The following PER1 variants were observed in gnomAD, a reference collection of about 807,000 sequenced individuals.
PER1 encodes the protein period circadian protein homolog 1.
PER1 carries 87 observed loss-of-function variants against 125.9 expected under a neutral mutation model. The ratio of observed to expected loss-of-function variants is 0.69; its 90% confidence interval spans 0.58 to 0.83. The LOEUF is 0.83. Among genes scored for constraint, PER1 ranks in the 40% least tolerant of loss-of-function variants. PER1 has a pLI of 0.00. For missense variants in PER1, 1,775 were observed against 1,722.8 expected (o/e 1.03, Z -0.54); for synonymous variants, 801 against 714.7 (o/e 1.12, Z -1.93).
chr17:8,150,048 G>A lies in PER1; in HGVS notation c.452C>T (p.Pro151Leu), dbSNP rs371293700. The A allele has an allele frequency of 5.0e-5, 81 of 1,614,066 alleles. No individual in the cohort carries two copies. The highest frequency in any genetic ancestry group is 6.8e-5 in the Non-Finnish European group (80 of 1,180,046). Residue 151 changes from proline to leucine, a missense_variant, in exon 4 of 23, where the codon CCA becomes CTA. By Grantham distance (98) the Pro-to-Leu change is moderately conservative. Transcript: ENST00000317276. The stretch of plus-strand genomic sequence containing the variant: ...AGAGCGGCCCTTGCCCCGGCGCTCT[G>A]GCGGCAGTCGAAGCTTGAGCTCTCG... Reference protein sequence around the residue: ...ALRELKLRLPPERRGKGRSGT... With the variant: ...ALRELKLRLPLERRGKGRSGT...
Position 8,149,957 on chromosome 17 carries a change from G to A in PER1, c.529+14C>T, listed in dbSNP as rs781373350. 14 of 1,613,514 alleles carry A rather than the reference G, an allele frequency of 8.7e-6. No homozygotes were observed. Among genetic ancestry groups the A allele is most frequent in the African/African-American group, 1.3e-5 (1 of 74,922 alleles). ...CCAGGCCCAGGCCATTCCCTCTTGGGACACACCACTTACCCTGCACCTGCT... is the reference window on the plus strand; with the variant it reads ...CCAGGCCCAGGCCATTCCCTCTTGGAACACACCACTTACCCTGCACCTGCT... On this transcript the variant is annotated intron_variant, in intron 4 of 22. Coordinates refer to ENST00000317276, the MANE Select transcript of PER1 (RefSeq NM_002616.3).
chr17:8,142,234 A>T, intron 21 of PER1, 35 bp downstream of exon 21: 1 of 1,526,900 alleles, frequency 6.5e-7, no homozygotes, highest in Non-Finnish European at 8.9e-7. Flanking sequence ...ACTACCTCTG[A>T]AAGGAAGGCC....
Position 8,146,633 on chromosome 17 carries a change from C to G in PER1, c.1868G>C (p.Cys623Ser), listed in dbSNP as rs748759106. 10 of 1,613,156 alleles carry G rather than the reference C, an allele frequency of 6.2e-6. No individual in the cohort carries two copies. In the Admixed American group the frequency reaches 1.5e-4, roughly 24 times the overall value. Reference protein sequence around the residue: ...EEAERKEASSCSYQQINCLDS... With the variant: ...EEAERKEASSSSYQQINCLDS... ...CAGGCAGTTGATCTGCTGGTAGGAG[C>G]AGCTGGAGGCTTCTTTCCTCTCGGC... Residue 623 changes from cysteine (C) to serine (S), a missense_variant, in exon 15 of 23, where the codon TGC (cysteine) becomes TCC (serine). Coordinates refer to ENST00000317276, the MANE Select transcript of PER1 (RefSeq NM_002616.3).
Position 8,148,237 on chromosome 17 carries a change from CTT to C in PER1, c.1069_1070del (p.Lys357GlufsTer18), listed in dbSNP as rs765767917. 1.7e-5 allele frequency: 28 copies of C among 1,614,128 alleles called. No individual in the cohort carries two copies. Among genetic ancestry groups the C allele is most frequent in the East Asian group, 4.5e-5 (2 of 44,868 alleles). On this transcript the variant is annotated frameshift_variant, in exon 9 of 23. Transcript: ENST00000317276. LOFTEE classifies it high-confidence loss of function. ...GYEAPRIPPD[K>X]RIFTTRHTPS... ...GTGTGTGCCGCGTAGTGAAAATCCT[CTT>C]GTCAGGGGGTATCCGGGGAGCTGAG...
Position 8,148,215 on chromosome 17 carries a change from T to C in PER1, c.1093A>G (p.Thr365Ala), listed in dbSNP as rs761628756. 6.2e-7 allele frequency: 1 copy of C among 1,614,114 alleles called. No individual in the cohort carries two copies. Among genetic ancestry groups the C allele is most frequent in the Non-Finnish European group, 8.5e-7 (1 of 1,180,000 alleles). ...PDKRIFTTRH[T>A]PSCLFQDVDE... is the part of the protein sequence containing the mutation. ...ACATCCTGGAAGAGGCAGCTGGGTG[T>C]GTGCCGCGTAGTGAAAATCCTCTTG... The change falls in exon 9 of 23, where the codon ACA becomes GCA. Residue 365 changes from threonine (T) to alanine (A), a missense_variant. Thr to Ala is a moderately conservative substitution (Grantham distance 58). Coordinates refer to ENST00000317276, the MANE Select transcript of PER1 (RefSeq NM_002616.3).
chr17:8,144,411 GA>G, intron 18 of PER1: 1 of 437,098 alleles, frequency 2.3e-6, no homozygotes, highest in Non-Finnish European at 4.0e-6. Flanking sequence ...AGTTGGCCCA[GA>G]ATCTATGCAT....
chr17:8,146,143 CAG>C lies in PER1; in HGVS notation c.2039-8_2039-7del. 6.3e-7 allele frequency: 1 copy of C among 1,583,898 alleles called. No homozygotes were observed. The highest frequency in any genetic ancestry group is 8.6e-7 in the Non-Finnish European group (1 of 1,165,014). The stretch of plus-strand genomic sequence containing the variant: ...CAGCGCTGCTGACGGCGGATCTGTG[CAG>C]AGAGATGGTGCCAGTTACCATCCCC... On this transcript the variant is annotated splice_polypyrimidine_tract_variant and splice_region_variant and intron_variant, in intron 16 of 22. Coordinates refer to ENST00000317276, the MANE Select transcript of PER1 (RefSeq NM_002616.3).
In PER1 at chr17:8,144,924, G is replaced by T. The variant is rs570383511; in HGVS notation, c.2288C>A (p.Thr763Lys). 6.5e-6 allele frequency: 10 copies of T among 1,532,892 alleles called. No individual in the cohort carries two copies. The East Asian group carries it at 2.1e-4, about 32-fold the overall frequency. The allele number at this position is 1,532,892 out of a possible 1,614,324, so 95.0% of individuals were successfully genotyped here. The part of the protein sequence containing the change: ...GPAPSPAPSP[T>K]VAPDPAPDAY... The stretch of plus-strand genomic sequence containing the variant: ...GTCTGGGGCTGGGTCAGGGGCTACT[G>T]TGGGGCTGGGGGCTGGGCTGGGGGC... The change falls in exon 18 of 23, where the codon ACA (threonine) becomes AAA (lysine). Residue 763 changes from threonine (T) to lysine (K), a missense_variant. Coordinates refer to ENST00000317276, the MANE Select transcript of PER1 (RefSeq NM_002616.3).
In PER1 at chr17:8,150,241, T is replaced by C. The variant is rs1196904029; in HGVS notation, c.352A>G (p.Asn118Asp). 1 of 1,578,848 alleles carries C rather than the reference T, an allele frequency of 6.3e-7. No individual in the cohort carries two copies. ...TACCTGCAGCCACTGGTGGACGGGTTGTCCTGCTCTGAGCTGGCACTCAGG... is the reference window on the plus strand; with the variant it reads ...TACCTGCAGCCACTGGTGGACGGGTCGTCCTGCTCTGAGCTGGCACTCAGG... ...SLLSASSEQD[N>D]PSTSGCSSEQ... The change falls in exon 3 of 23, where the codon AAC (asparagine) becomes GAC (aspartate). Residue 118 changes from asparagine (N) to aspartate (D), a missense_variant. Transcript: ENST00000317276.
At chr17:8,147,226 G>A in intron 13 of PER1, 24 bp downstream of exon 13, 1 of 1,590,946 alleles carries the variant, frequency 6.3e-7, no homozygotes, top group Non-Finnish European at 8.6e-7. Flanking sequence ...CGATTAGAGG[G>A]TGAGGTAGGA....
chr17:8,143,306 G>A lies in PER1; in HGVS notation c.3032C>T (p.Pro1011Leu). 6.3e-7 allele frequency: 1 copy of A among 1,586,616 alleles called. No individual in the cohort carries two copies. The highest frequency in any genetic ancestry group is 8.6e-7 in the Non-Finnish European group (1 of 1,165,522). The change falls in exon 19 of 23, where the codon CCA becomes CTA. Residue 1011 changes from proline (P) to leucine (L), a missense_variant. Coordinates refer to ENST00000317276, the MANE Select transcript of PER1 (RefSeq NM_002616.3). ...CTCAGCAGCCTCCGCACTGGGAGGT[G>A]GGGGCCCGGCACTGCTCCCAGGGCC... Reference protein sequence around the residue: ...AGGPGSSAGPPPPSAEAAEPE... With the variant: ...AGGPGSSAGPLPPSAEAAEPE...
rs1045716380 is a variant in PER1, at chr17:8,149,811, T to C, written c.595A>G (p.Thr199Ala). The change falls in exon 5 of 23, where the codon ACC becomes GCC. Residue 199 changes from threonine to alanine, a missense_variant. Thr to Ala is a moderately conservative substitution (Grantham distance 58). Coordinates refer to ENST00000317276, the MANE Select transcript of PER1 (RefSeq NM_002616.3). ...EGEPCSMDMSTYTLEELEHIT... is the reference protein window; with the variant it reads ...EGEPCSMDMSAYTLEELEHIT... ...TGCTCCAGCTCCTCCAGGGTATAGG[T>C]GGACATGTCCATGGAGCAAGGCTCG... 2.5e-6 allele frequency: 4 copies of C among 1,613,844 alleles called. No homozygotes were observed. The South Asian group carries it at 3.3e-5, about 13-fold the overall frequency.
At chr17:8,147,930 A>G in intron 10 of PER1, 67 bp downstream of exon 10, 1 of 1,582,766 alleles carries the variant, frequency 6.3e-7, no homozygotes, top group East Asian at 2.3e-5. Context: ...CAAGAGACAC[A>G]ACCACAAGGG....
In PER1 at chr17:8,150,681, T is replaced by C. The variant is rs1334599654; in HGVS notation, c.26A>G (p.Asp9Gly). The change falls in exon 2 of 23, where the codon GAT becomes GGT. Residue 9 changes from aspartate (D) to glycine (G), a missense_variant. Asp to Gly is a moderately conservative substitution (Grantham distance 94). Transcript: ENST00000317276. ...CCCAGGCCTGGGGTCCCCTCCCCCA[T>C]CAGCCCCTTCTAGGGGGCCACTCAT... is the stretch of plus-strand genomic sequence containing the variant. MSGPLEGA[D>G]GGGDPRPGES... The C allele has an allele frequency of 1.9e-6, 3 of 1,578,854 alleles. No homozygotes were observed. Among genetic ancestry groups the C allele is most frequent in the South Asian group, 1.2e-5 (1 of 86,686 alleles).
Position 8,150,819 on chromosome 17 carries a change from G to A in PER1, c.-113C>T, listed in dbSNP as rs897860905. ...AGGTGGAAGATCTAAGTCTCTGAGG[G>A]TTGAGAAGTTCGATCACAGCCAGTA... On this transcript the variant is annotated 5_prime_UTR_variant, in exon 2 of 23. Coordinates refer to ENST00000317276, the MANE Select transcript of PER1 (RefSeq NM_002616.3). The A allele has an allele frequency of 2.9e-6, 3 of 1,026,070 alleles. No homozygotes were observed. Among genetic ancestry groups the A allele is most frequent in the South Asian group, 1.7e-5 (1 of 58,338 alleles). The allele number at this position is 1,026,070 out of a possible 1,614,324, so 63.6% of individuals were successfully genotyped here. A position where few individuals can be genotyped will look rare whatever the true frequency, so the allele number is the denominator to read the frequency against.
In PER1 at chr17:8,146,772, CAA is replaced by C. The variant is rs750510748; in HGVS notation, c.1736-9_1736-8del. ...GCCTTGAACGTGCCTGTAGCTGGGGCAAAGAGAGAAAGAGGAAAATAGCCTTC... is the reference window on the plus strand; with the variant it reads ...GCCTTGAACGTGCCTGTAGCTGGGGCAGAGAGAAAGAGGAAAATAGCCTTC... On this transcript the variant is annotated splice_polypyrimidine_tract_variant and splice_region_variant and intron_variant, in intron 14 of 22. Transcript: ENST00000317276. 3.7e-6 allele frequency: 6 copies of C among 1,608,548 alleles called. No individual in the cohort carries two copies. Among genetic ancestry groups the C allele is most frequent in the Non-Finnish European group, 5.1e-6 (6 of 1,178,020 alleles).
At position 8,143,477 on chromosome 17, in the gene PER1, G is replaced by A. The variant is rs1982214301; in HGVS notation, c.2861C>T (p.Pro954Leu). 4 of 1,599,004 alleles carry A rather than the reference G, an allele frequency of 2.5e-6. No homozygotes were observed. The highest frequency in any genetic ancestry group is 2.3e-5 in the South Asian group (2 of 88,622). ...GGCGAGGGCGGGCAAGGATGGAGAAGGGGAGTGCGAGGCAGGAGTGGGAGG... is the reference window on the plus strand; with the variant it reads ...GGCGAGGGCGGGCAAGGATGGAGAAAGGGAGTGCGAGGCAGGAGTGGGAGG... ...EGPPTPASHSPSPSLPALAPS... is the reference protein window; with the variant it reads ...EGPPTPASHSLSPSLPALAPS... The change falls in exon 19 of 23, where the codon CCT (proline) becomes CTT (leucine). Residue 954 changes from proline (P) to leucine (L), a missense_variant. By Grantham distance (98) the Pro-to-Leu change is moderately conservative. Coordinates refer to ENST00000317276, the MANE Select transcript of PER1 (RefSeq NM_002616.3).
In PER1 at chr17:8,145,261, C is replaced by T. The variant is rs1239126189; in HGVS notation, c.2219-268G>A. 1.4e-5 allele frequency: 5 copies of T among 366,008 alleles called. No individual in the cohort carries two copies. The East Asian group carries it at 1.6e-4, about 12-fold the overall frequency. The allele number at this position is 366,008 out of a possible 1,614,324, so 22.7% of individuals were successfully genotyped here. Reference sequence around the variant, plus strand: ...GCCAGGAACTCTACTGGGATGACCCCGTCACAACTCTCATTGGAAGAGAAG... The same window carrying T: ...GCCAGGAACTCTACTGGGATGACCCTGTCACAACTCTCATTGGAAGAGAAG... On this transcript the variant is annotated intron_variant, in intron 17 of 22. Coordinates refer to ENST00000317276, the MANE Select transcript of PER1 (RefSeq NM_002616.3).
chr17:8,150,363 G>C, intron 2 of PER1, 46 bp from the exon 3 acceptor site: 10 of 1,555,234 alleles, frequency 6.4e-6, no homozygotes, highest in Non-Finnish European at 8.7e-6. Flanking sequence ...CCAGCAGTGC[G>C]AGGCCTGTCA....
Sources: allele counts gnomAD v4.1 joint callset, GRCh38; gene constraint gnomAD v4.1.1; transcripts MANE v1.5; gene names NCBI Gene and HGNC (gene_info 2026-07-23, HGNC 2026-07-21).